HS3ST3A1: variants seen among roughly 807,000 people sequenced by gnomAD.
HS3ST3A1 encodes the protein heparan sulfate glucosamine 3-O-sulfotransferase 3A1.
A neutral mutation model predicts 25.7 loss-of-function variants in HS3ST3A1; 19 were observed. The observed-to-expected ratio is 0.74, with a 90% CI of 0.52 to 1.08. The LOEUF (loss-of-function observed/expected upper bound fraction) is 1.08, where lower values mean the gene tolerates loss of function less well. Ranked by LOEUF, HS3ST3A1 falls within the 50% of genes least tolerant of loss-of-function variation. The probability of loss-of-function intolerance (pLI) is 0.00; values close to 1 mark genes in which losing one functional copy is unlikely to be tolerated. For missense variants in HS3ST3A1, 459 were observed against 594.3 expected (o/e 0.77, Z 2.37); for synonymous variants, 226 against 278.6 (o/e 0.81, Z 1.88).
chr17:13,526,761 C>T (rs1056030614), intron 1 of HS3ST3A1, among the ~76,000 whole-genome samples: 8 of 151,886 alleles, frequency 5.3e-5, no homozygotes, highest in African/African-American at 1.9e-4. Context: ...GATTCTCCTG[C>T]CTCAGCCTCC....
chr17:13,579,061 A>G (rs1417118585), intron 1 of HS3ST3A1, among the ~76,000 whole-genome samples: 1 of 152,166 alleles, frequency 6.6e-6, no homozygotes, highest in Non-Finnish European at 1.5e-5. Context: ...ATCTTTTCAA[A>G]AAAGAAAGCC....
intron 1 of HS3ST3A1, among the ~76,000 whole-genome samples, chr17:13,574,649 T>C (rs11653452): frequency 0.83 from 125,665 of 151,750 alleles, 52,176 homozygotes; most frequent in East Asian, 0.92. Flanking sequence ...ACCCAGGAGG[T>C]GGAGCCTGCA....
intron 1 of HS3ST3A1, among the ~76,000 whole-genome samples, chr17:13,531,212 T>C (rs941618636): frequency 6.6e-6 from 1 of 152,228 alleles, no homozygotes; most frequent in African/African-American, 2.4e-5. Context: ...GCTCAAAGAA[T>C]GACCAACTCT....
chr17:13,562,429 G>A (rs1907573477), intron 1 of HS3ST3A1, among the ~76,000 whole-genome samples: 1 of 152,114 alleles, frequency 6.6e-6, no homozygotes, highest in Admixed American at 6.5e-5. Context: ...CAGCGGGTGG[G>A]GGGGAAAGTA....
chr17:13,497,826 T>C lies in HS3ST3A1; in HGVS notation c.600-1008A>G, dbSNP rs1022717831. Reference sequence around the variant, plus strand: ...CTTTTAATGTAGGCATTATCTAGGATTATATTGTATCTTTAATCCTGATGA... The same window carrying C: ...CTTTTAATGTAGGCATTATCTAGGACTATATTGTATCTTTAATCCTGATGA... On this transcript the variant is annotated intron_variant, in intron 1 of 1. Transcript: ENST00000284110. 2.6e-5 allele frequency among the ~76,000 whole-genome samples: 4 copies of C among 152,356 alleles called. No homozygotes were observed. The South Asian group carries it at 8.3e-4, about 32-fold the overall frequency.
At chr17:13,542,130 C>G (rs1906952397) in intron 1 of HS3ST3A1, among the ~76,000 whole-genome samples, 1 of 152,020 alleles carries the variant, frequency 6.6e-6, no homozygotes, top group Non-Finnish European at 1.5e-5. Flanking sequence ...GAGTCTGAGA[C>G]CAGTCTGGCC....
chr17:13,523,338 C>T (rs187147953), intron 1 of HS3ST3A1, among the ~76,000 whole-genome samples: 6 of 148,060 alleles, frequency 4.1e-5, no homozygotes, highest in South Asian at 2.1e-4. Flanking sequence ...GATCAGTTAA[C>T]GGAAACAAAT....
chr17:13,538,499 T>A (rs1269491178), intron 1 of HS3ST3A1, among the ~76,000 whole-genome samples: 1 of 152,152 alleles, frequency 6.6e-6, no homozygotes, highest in Non-Finnish European at 1.5e-5. Flanking sequence ...CTCCCTGGGG[T>A]ATTGAATTCT....
chr17:13,529,268 T>C (rs948184670), intron 1 of HS3ST3A1, among the ~76,000 whole-genome samples: 13 of 152,180 alleles, frequency 8.5e-5, no homozygotes, highest in Non-Finnish European at 1.6e-4. Context: ...GTAAAATTCA[T>C]CTCTAGGCCC....
intron 1 of HS3ST3A1, among the ~76,000 whole-genome samples, chr17:13,557,357 A>G (rs1190793629): frequency 1.3e-5 from 2 of 152,212 alleles, no homozygotes; most frequent in Non-Finnish European, 2.9e-5. Flanking sequence ...GTCAACAGAC[A>G]TCAGAAAGAG....
intron 1 of HS3ST3A1, among the ~76,000 whole-genome samples, chr17:13,542,792 G>C (rs1414538791): frequency 1.3e-5 from 2 of 152,070 alleles, no homozygotes; most frequent in Non-Finnish European, 1.5e-5. Context: ...GGTTGCCAGG[G>C]GAATGTTGTA....
At chr17:13,598,125 A>G (rs996808795) in intron 1 of HS3ST3A1, among the ~76,000 whole-genome samples, 3 of 146,302 alleles carry the variant, frequency 2.1e-5, no homozygotes, top group South Asian at 2.1e-4. Context: ...TAGTGTGGTC[A>G]TAAGTGTGTG....
intron 1 of HS3ST3A1, among the ~76,000 whole-genome samples, chr17:13,541,424 C>T (rs1043183268): frequency 7.9e-5 from 12 of 152,172 alleles, no homozygotes; most frequent in Non-Finnish European, 2.9e-5. Flanking sequence ...ATTCTAACCT[C>T]ATCCTGGGTA....
At chr17:13,593,369 G>A (rs1054403012) in intron 1 of HS3ST3A1, among the ~76,000 whole-genome samples, 1 of 152,080 alleles carries the variant, frequency 6.6e-6, no homozygotes. Flanking sequence ...GGAAGCTTTG[G>A]GGAACCTTTC....
In HS3ST3A1 at chr17:13,495,144, T is replaced by C. The variant is rs1266843558; in HGVS notation, c.*1053A>G. ...GTAAGTGCTAATTGAAATCTGTTTC[T>C]TTTTTTTTTTTAAAGTCAATTAAAT... is the stretch of plus-strand genomic sequence containing the variant. On this transcript the variant is annotated 3_prime_UTR_variant, in exon 2 of 2. Transcript: ENST00000284110. Among the ~76,000 whole-genome samples, 1 of 145,446 alleles carries C rather than the reference T, an allele frequency of 6.9e-6. No homozygotes were observed. Among genetic ancestry groups the C allele is most frequent in the Admixed American group, 6.9e-5 (1 of 14,556 alleles).
At chr17:13,497,665 A>G (rs1338032705) in intron 1 of HS3ST3A1, among the ~76,000 whole-genome samples, 2 of 152,252 alleles carry the variant, frequency 1.3e-5, no homozygotes, top group Non-Finnish European at 2.9e-5. Context: ...GTCAAAACAC[A>G]TGAACAGGAG....
rs372095438 is a variant in HS3ST3A1, at chr17:13,496,292, C to A, written c.1126G>T (p.Asp376Tyr). The stretch of plus-strand genomic sequence containing the variant: ...CGCAGCCTGCGCACCACCTCGCGGT[C>A]GATCTCAGGATGGGTCCTGCCCTTG... ...KTKGRTHPEI[D>Y]REVVRRLREF... is the part of the protein sequence containing the mutation. The change falls in exon 2 of 2, where the codon GAC (aspartate) becomes TAC (tyrosine). Residue 376 changes from aspartate (D) to tyrosine (Y), a missense_variant. Asp to Tyr is a radical substitution (Grantham distance 160). Coordinates refer to ENST00000284110, the MANE Select transcript of HS3ST3A1 (RefSeq NM_006042.3). The A allele has an allele frequency of 9.0e-6, 14 of 1,550,570 alleles. No homozygotes were observed. The highest frequency in any genetic ancestry group is 3.5e-4 in the Middle Eastern group (2 of 5,766).
At chr17:13,532,959 A>G (rs1906653634) in intron 1 of HS3ST3A1, among the ~76,000 whole-genome samples, 1 of 151,938 alleles carries the variant, frequency 6.6e-6, no homozygotes, top group Non-Finnish European at 1.5e-5. Context: ...TGGAGGAAAT[A>G]TAATAGGCTG....
At chr17:13,520,974 A>T (rs1236362006) in intron 1 of HS3ST3A1, among the ~76,000 whole-genome samples, 1 of 152,190 alleles carries the variant, frequency 6.6e-6, no homozygotes, top group East Asian at 1.9e-4. Flanking sequence ...GACAACCTCA[A>T]ACCTTCCAAC....
Sources: allele counts gnomAD v4.1 joint callset (sites outside exome capture counted in the v4.1 genomes callset), GRCh38; gene constraint gnomAD v4.1.1; transcripts MANE v1.5; gene names NCBI Gene and HGNC (gene_info 2026-07-23, HGNC 2026-07-21).